TBC1D22A: variants seen among roughly 807,000 people sequenced by gnomAD.
The protein encoded by TBC1D22A is putative GTPase activator.
TBC1D22A carries 38 observed loss-of-function variants against 60.2 expected under a neutral mutation model. The ratio of observed to expected loss-of-function variants is 0.63; its 90% CI spans 0.49 to 0.83. TBC1D22A has a LOEUF of 0.83. Among genes scored for constraint, TBC1D22A ranks in the 40% least tolerant of loss-of-function variants. TBC1D22A has a pLI of 0.00. For missense variants in TBC1D22A, 628 were observed against 701.0 expected (o/e 0.90, Z 1.18); for synonymous variants, 302 against 281.7 (o/e 1.07, Z -0.72).
intron 8 of TBC1D22A, among the ~76,000 whole-genome samples, chr22:46,928,327 A>T (rs1269298908): frequency 1.3e-5 from 2 of 152,240 alleles, no homozygotes; most frequent in African/African-American, 4.8e-5. Context: ...CAATGAGGAA[A>T]TTTATGTTTT....
At chr22:47,038,160 T>C (rs767760797) in intron 11 of TBC1D22A, among the ~76,000 whole-genome samples, 16 of 152,198 alleles carry the variant, frequency 1.1e-4, no homozygotes, top group Admixed American at 9.2e-4. Context: ...GGCACCATTA[T>C]GTGGGATTAG....
At chr22:47,149,269 G>A (rs2067407664) in intron 12 of TBC1D22A, among the ~76,000 whole-genome samples, 1 of 152,202 alleles carries the variant, frequency 6.6e-6, no homozygotes, top group South Asian at 2.1e-4. Flanking sequence ...GCCCGGCGGC[G>A]GCAGGAATCA....
At chr22:47,159,829 C>T (rs554543802) in intron 12 of TBC1D22A, among the ~76,000 whole-genome samples, 3 of 152,006 alleles carry the variant, frequency 2.0e-5, no homozygotes, top group South Asian at 4.2e-4. Context: ...AACCCCCACA[C>T]ACGCACCACA....
chr22:47,098,481 T>C (rs2065273053), intron 11 of TBC1D22A, among the ~76,000 whole-genome samples: 1 of 152,224 alleles, frequency 6.6e-6, no homozygotes, highest in African/African-American at 2.4e-5. Flanking sequence ...CACTCTTCCC[T>C]GTGTACTGCA....
chr22:47,001,823 CTA>C (rs1385583969), intron 10 of TBC1D22A, among the ~76,000 whole-genome samples: 2 of 152,120 alleles, frequency 1.3e-5, no homozygotes, highest in African/African-American at 4.8e-5. Context: ...AATTAAATAA[CTA>C]AAAGTTAAAT....
intron 12 of TBC1D22A, among the ~76,000 whole-genome samples, chr22:47,153,616 G>A (rs1041872721): frequency 4.6e-5 from 7 of 152,104 alleles, no homozygotes; most frequent in Middle Eastern, 3.2e-3. Context: ...TCGTGCAAGC[G>A]AAAGATGAGA....
intron 8 of TBC1D22A, among the ~76,000 whole-genome samples, chr22:46,926,599 A>T (rs1180537440): frequency 6.6e-6 from 1 of 151,956 alleles, no homozygotes; most frequent in East Asian, 1.9e-4. Context: ...TTTAGATGTG[A>T]TTAACATTTA....
intron 8 of TBC1D22A, among the ~76,000 whole-genome samples, chr22:46,941,108 TACACACACACACACACACACAC>T (rs145138507): frequency 2.6e-5 from 2 of 77,438 alleles, no homozygotes; most frequent in Non-Finnish European, 4.7e-5. Flanking sequence ...GGCACTAGCA[TACACACACACACACACACACAC>T]ACACACACAC....
At chr22:46,949,019 T>G (rs546567705) in intron 8 of TBC1D22A, among the ~76,000 whole-genome samples, 2 of 152,070 alleles carry the variant, frequency 1.3e-5, no homozygotes, top group East Asian at 1.9e-4. Flanking sequence ...GAAGCAGGAG[T>G]GGAGCGCCAC....
chr22:46,858,115 C>G (rs560919262), intron 4 of TBC1D22A, among the ~76,000 whole-genome samples: 1 of 152,200 alleles, frequency 6.6e-6, no homozygotes, highest in Non-Finnish European at 1.5e-5. Flanking sequence ...CTCTGGTCTT[C>G]CCACATTTAA....
intron 12 of TBC1D22A, among the ~76,000 whole-genome samples, chr22:47,131,021 G>C (rs529249686): frequency 6.6e-6 from 1 of 152,202 alleles, no homozygotes; most frequent in Admixed American, 6.5e-5. Context: ...GGCGTGTCAC[G>C]TGGCGAGAGA....
chr22:46,875,122 G>C (rs928129786), intron 4 of TBC1D22A, among the ~76,000 whole-genome samples: 2 of 152,186 alleles, frequency 1.3e-5, no homozygotes, highest in African/African-American at 4.8e-5. Context: ...GTTCATCGCA[G>C]CCTATTTATG....
chr22:47,134,158 C>A (rs761326860), intron 12 of TBC1D22A, among the ~76,000 whole-genome samples: 4 of 152,248 alleles, frequency 2.6e-5, no homozygotes, highest in African/African-American at 9.6e-5. Flanking sequence ...AAAAAAGTTA[C>A]ACCCCCATTC....
intron 5 of TBC1D22A, among the ~76,000 whole-genome samples, chr22:46,887,438 C>G (rs1362920083): frequency 6.6e-6 from 1 of 152,198 alleles, no homozygotes; most frequent in Non-Finnish European, 1.5e-5. Flanking sequence ...AGCAGGCCCA[C>G]TCCCAGGTAT....
intron 10 of TBC1D22A, among the ~76,000 whole-genome samples, chr22:47,012,647 T>C (rs954701113): frequency 1.3e-5 from 2 of 152,224 alleles, no homozygotes; most frequent in Admixed American, 1.3e-4. Flanking sequence ...GTATTCCTCC[T>C]GAACAAGTAG....
chr22:47,096,693 A>G (rs920819564), intron 11 of TBC1D22A, among the ~76,000 whole-genome samples: 4 of 152,144 alleles, frequency 2.6e-5, no homozygotes, highest in Non-Finnish European at 4.4e-5. Flanking sequence ...GTAGTGGCGC[A>G]TGCCTGTAAG....
At chr22:46,982,689 C>T (rs1022741947) in intron 9 of TBC1D22A, among the ~76,000 whole-genome samples, 1 of 152,222 alleles carries the variant, frequency 6.6e-6, no homozygotes, top group Non-Finnish European at 1.5e-5. Flanking sequence ...GTCATTGGCA[C>T]TGCCCTGAGG....
At chr22:46,882,308 C>T (rs570709366) in intron 5 of TBC1D22A, among the ~76,000 whole-genome samples, 10 of 152,268 alleles carry the variant, frequency 6.6e-5, no homozygotes, top group Middle Eastern at 3.4e-3. Context: ...AGGTTCAGGC[C>T]TGCCTTCTTC....
At chr22:46,838,519 C>T (rs905543341) in intron 4 of TBC1D22A, among the ~76,000 whole-genome samples, 1 of 151,782 alleles carries the variant, frequency 6.6e-6, no homozygotes, top group Non-Finnish European at 1.5e-5. Flanking sequence ...CAAAGTCTTT[C>T]CAAAAATTGA....
Sources: allele counts gnomAD v4.1 joint callset (sites outside exome capture counted in the v4.1 genomes callset), GRCh38; gene constraint gnomAD v4.1.1; transcripts MANE v1.5; gene names NCBI Gene and HGNC (gene_info 2026-07-23, HGNC 2026-07-21).